Variants in ADAMTS18 observed in about 807,000 individuals in gnomAD.
ADAMTS18 encodes the protein ADAM metallopeptidase with thrombospondin type 1 motif 18.
In ADAMTS18, 157 loss-of-function variants were observed where a neutral mutation model predicts 165.9. The ratio of observed to expected loss-of-function variants is 0.95; its 90% CI spans 0.83 to 1.08. ADAMTS18 has a LOEUF of 1.08. Among genes scored for constraint, ADAMTS18 ranks in the 50% least tolerant of loss-of-function variants. The pLI, the probability that ADAMTS18 is intolerant of heterozygous loss-of-function variation, is 0.00. For missense variants in ADAMTS18, 2,040 were observed against 1,534.0 expected (o/e 1.33, Z -5.51); for synonymous variants, 782 against 578.2 (o/e 1.35, Z -5.06).
rs183590675 is a variant in ADAMTS18 at position 77,292,614 on chromosome 16, C to T, written c.3189+462G>A. ...CTTCTATCAAGTCACTTGACGTGTG[C>T]TTTCTCTGCGTGTGCTTTATGAAGT... is the stretch of plus-strand genomic sequence containing the variant. On this transcript the variant is annotated intron_variant, in intron 20 of 22. Transcript: ENST00000282849. Among the ~76,000 whole-genome samples, 676 of 152,330 alleles carry T rather than the reference C, an allele frequency of 4.4e-3. 4 individuals carry two copies. Among genetic ancestry groups the T allele is most frequent in the Admixed American group, 8.8e-3 (134 of 15,302 alleles).
rs1239895737 is a variant in ADAMTS18, at chr16:77,367,795, C to T, written c.496-72G>A. 7 of 1,568,700 alleles carry T rather than the reference C, an allele frequency of 4.5e-6. No individual in the cohort carries two copies. The African/African-American group carries it at 9.5e-5, about 21-fold the overall frequency. On this transcript the variant is annotated intron_variant, in intron 3 of 22. Coordinates refer to ENST00000282849, the MANE Select transcript of ADAMTS18 (RefSeq NM_199355.4). ...TGTGCCAAGGGTTGGTTTTCAACAA[C>T]TGCTTCTGACTAATTCCTGTATGTG...
chr16:77,319,837 G>C lies in ADAMTS18; in HGVS notation c.2532+12C>G. The C allele has an allele frequency of 6.2e-7, 1 of 1,614,054 alleles. No individual in the cohort carries two copies. Among genetic ancestry groups the C allele is most frequent in the Admixed American group, 1.7e-5 (1 of 60,030 alleles). ...AGAAGCACTGAGAACTGAATACACAGAAGGGGCTTACTTCAAAGACCAGCG... is the reference window on the plus strand; with the variant it reads ...AGAAGCACTGAGAACTGAATACACACAAGGGGCTTACTTCAAAGACCAGCG... On this transcript the variant is annotated intron_variant, in intron 16 of 22. Coordinates refer to ENST00000282849, the MANE Select transcript of ADAMTS18 (RefSeq NM_199355.4).
At chr16:77,288,399 AT>A (rs72443461) in intron 22 of ADAMTS18, among the ~76,000 whole-genome samples, 69 of 149,682 alleles carry the variant, frequency 4.6e-4, no homozygotes, top group Non-Finnish European at 8.5e-4. Context: ...CTACAGAGCT[AT>A]TTTTTTTTTG....
rs984396385 is a variant in ADAMTS18, at chr16:77,283,094, A to G, written c.*862T>C. 1 of 152,302 alleles carries G rather than the reference A, an allele frequency of 6.6e-6. No homozygotes were observed. Among genetic ancestry groups the G allele is most frequent in the Admixed American group, 6.6e-5 (1 of 15,246 alleles). The allele number at this position is 152,302 out of a possible 1,614,324, so 9.4% of individuals were successfully genotyped here. On this transcript the variant is annotated 3_prime_UTR_variant, in exon 23 of 23. Coordinates refer to ENST00000282849, the MANE Select transcript of ADAMTS18 (RefSeq NM_199355.4). Reference sequence around the variant, plus strand: ...TGTTTTGTCATTTAGCTCCTCCTAGATATTTTTTAAATACCAGAAATGGGT... The same window carrying G: ...TGTTTTGTCATTTAGCTCCTCCTAGGTATTTTTTAAATACCAGAAATGGGT...
chr16:77,312,401 C>G lies in ADAMTS18; in HGVS notation c.2532+7448G>C, dbSNP rs184520734. 7.2e-5 allele frequency among the ~76,000 whole-genome samples: 11 copies of G among 152,196 alleles called. No homozygotes were observed. The East Asian group carries it at 2.1e-3, about 30-fold the overall frequency. Reference sequence around the variant, plus strand: ...TATAGGCGCCCGCCACCATGCCCAGCTAATTTTTGTATTTTTAATAGAGAC... The same window carrying G: ...TATAGGCGCCCGCCACCATGCCCAGGTAATTTTTGTATTTTTAATAGAGAC... On this transcript the variant is annotated intron_variant, in intron 16 of 22. Transcript: ENST00000282849.
At chr16:77,389,980 T>G (rs1022249676) in intron 3 of ADAMTS18, among the ~76,000 whole-genome samples, 1 of 152,160 alleles carries the variant, frequency 6.6e-6, no homozygotes, top group Non-Finnish European at 1.5e-5. Context: ...AACACTGAAA[T>G]AGCCAGAATT....
intron 6 of ADAMTS18, among the ~76,000 whole-genome samples, chr16:77,363,573 T>C (rs1363945223): frequency 1.3e-5 from 2 of 151,194 alleles, no homozygotes; most frequent in Non-Finnish European, 2.9e-5. Flanking sequence ...CCATTATTTA[T>C]GTATACATAT....
At chr16:77,390,246 T>TA (rs1338678902) in intron 3 of ADAMTS18, among the ~76,000 whole-genome samples, 1 of 152,102 alleles carries the variant, frequency 6.6e-6, no homozygotes, top group Non-Finnish European at 1.5e-5. Flanking sequence ...TAAACAAATT[T>TA]AAAAAATAAT....
Position 77,393,214 on chromosome 16 carries a change from A to C in ADAMTS18, c.496-25491T>G, listed in dbSNP as rs563712468. The stretch of plus-strand genomic sequence containing the variant: ...CATGGAGTGGCCATGCTCTGCCTAG[A>C]ACCCAATGTGCAGCCCTCCTGGGTA... On this transcript the variant is annotated intron_variant, in intron 3 of 22. Coordinates refer to ENST00000282849, the MANE Select transcript of ADAMTS18 (RefSeq NM_199355.4). Among the ~76,000 whole-genome samples, 13 of 152,294 alleles carry C rather than the reference A, an allele frequency of 8.5e-5. No homozygotes were observed. The South Asian group carries it at 2.7e-3, about 32-fold the overall frequency.
At chr16:77,414,330 A>G (rs2057502485) in intron 3 of ADAMTS18, among the ~76,000 whole-genome samples, 1 of 152,226 alleles carries the variant, frequency 6.6e-6, no homozygotes, top group Non-Finnish European at 1.5e-5. Flanking sequence ...AGCAGCCCTT[A>G]GTGGACACTT....
chr16:77,434,134 C>T (rs1257255312), intron 2 of ADAMTS18, among the ~76,000 whole-genome samples: 1 of 147,358 alleles, frequency 6.8e-6, no homozygotes, highest in Non-Finnish European at 1.5e-5. Context: ...CTTCGAATTT[C>T]TCACTGCAGT....
intron 16 of ADAMTS18, among the ~76,000 whole-genome samples, chr16:77,315,148 T>A (rs2650897): frequency 5.3e-5 from 8 of 151,658 alleles, no homozygotes; most frequent in African/African-American, 1.9e-4. Flanking sequence ...TTTTCTACCA[T>A]CATGGCCTAA....
chr16:77,406,912 G>A (rs1010563617), intron 3 of ADAMTS18, among the ~76,000 whole-genome samples: 7 of 151,964 alleles, frequency 4.6e-5, no homozygotes, highest in African/African-American at 1.7e-4. Flanking sequence ...ATATAAAGTA[G>A]GAAAATTAGA....
intron 22 of ADAMTS18, among the ~76,000 whole-genome samples, chr16:77,287,067 G>A (rs2055267927): frequency 6.6e-6 from 1 of 152,056 alleles, no homozygotes; most frequent in Admixed American, 6.6e-5. Flanking sequence ...ATGCAGCCAT[G>A]GGCAGAATGG....
intron 16 of ADAMTS18, among the ~76,000 whole-genome samples, chr16:77,319,391 T>C (rs1400261236): frequency 6.6e-6 from 1 of 152,192 alleles, no homozygotes; most frequent in Non-Finnish European, 1.5e-5. Context: ...CCAAATGGAA[T>C]CACTGTCTTC....
rs763344799 is a variant in ADAMTS18 at position 77,295,003 on chromosome 16, G to A, written c.2926C>T (p.Pro976Ser). The A allele has an allele frequency of 9.3e-6, 15 of 1,614,042 alleles. No homozygotes were observed. The highest frequency in any genetic ancestry group is 1.3e-5 in the Non-Finnish European group (15 of 1,180,036). ...KEEAVLHSLCPVSTPTQVQAC... is the reference protein window; with the variant it reads ...KEEAVLHSLCSVSTPTQVQAC... Reference sequence around the variant, plus strand: ...TGGACCTGAGTGGGTGTGCTCACTGGACAGAGAGAATGCAACACTGCTTCC... The same window carrying A: ...TGGACCTGAGTGGGTGTGCTCACTGAACAGAGAGAATGCAACACTGCTTCC... Residue 976 changes from proline to serine, a missense_variant, in exon 19 of 23, where the codon CCA becomes TCA. Transcript: ENST00000282849.
intron 14 of ADAMTS18, among the ~76,000 whole-genome samples, chr16:77,321,813 A>G (rs1446242031): frequency 6.6e-6 from 1 of 152,196 alleles, no homozygotes; most frequent in Non-Finnish European, 1.5e-5. Context: ...GTAAAAAATA[A>G]ACTAAAATAA....
At chr16:77,334,820 ATACT>A (rs2056277908) in intron 12 of ADAMTS18, among the ~76,000 whole-genome samples, 1 of 124,080 alleles carries the variant, frequency 8.1e-6, no homozygotes, top group Non-Finnish European at 1.6e-5. Flanking sequence ...TACAGTATAT[ATACT>A]ATATACTATA....
At chr16:77,291,871 G>A (rs190278192) in intron 20 of ADAMTS18, among the ~76,000 whole-genome samples, 2 of 152,336 alleles carry the variant, frequency 1.3e-5, no homozygotes, top group African/African-American at 4.8e-5. Context: ...AATCTGAGTT[G>A]AAGAGGGTAA....
Sources: gnomAD v4.1 joint callset for allele counts (sites outside exome capture counted in the v4.1 genomes callset) on GRCh38, gnomAD v4.1.1 for gene constraint, MANE v1.5 for transcripts, NCBI Gene and HGNC (gene_info 2026-07-23, HGNC 2026-07-21) for gene names.